Variants in DOCK1 observed in about 807,000 individuals in gnomAD.
The protein encoded by DOCK1 is dedicator of cytokinesis protein 1.
DOCK1 carries 138 observed loss-of-function variants against 262.7 expected under a neutral mutation model. That is an observed-to-expected ratio of 0.53 (90% CI 0.46 to 0.61). The LOEUF is 0.61. DOCK1 is among the 20% of genes least tolerant of loss of function. DOCK1 has a pLI of 0.00. For missense variants in DOCK1, 1,908 were observed against 2,370.7 expected (o/e 0.80, Z 4.05); for synonymous variants, 866 against 867.4 (o/e 1.00, Z 0.03).
At chr10:126,951,224 G>C (rs1025458219) in intron 1 of DOCK1, among the ~76,000 whole-genome samples, 21 of 150,850 alleles carry the variant, frequency 1.4e-4, no homozygotes, top group Admixed American at 3.3e-4. Context: ...GGTAATATTG[G>C]TGATGGTGGT....
chr10:127,427,007 C>T (rs1462455695), intron 47 of DOCK1, among the ~76,000 whole-genome samples: 1 of 152,174 alleles, frequency 6.6e-6, no homozygotes, highest in East Asian at 1.9e-4. Context: ...CAGAGTGGTG[C>T]TCCCATCTTT....
Position 127,373,880 on chromosome 10 carries a change from A to T in DOCK1, c.3518+14A>T. The T allele has an allele frequency of 6.3e-7, 1 of 1,594,962 alleles. No homozygotes were observed. Among genetic ancestry groups the T allele is most frequent in the Non-Finnish European group, 8.5e-7 (1 of 1,169,696 alleles). On this transcript the variant is annotated intron_variant, in intron 34 of 51. Transcript: ENST00000623213. ...ATTTGATAAAATGTAAGTGTTGATT[A>T]GCAGTGGGATTTATGTCTGAGAGAT...
intron 27 of DOCK1, among the ~76,000 whole-genome samples, chr10:127,215,276 C>G (rs1447109278): frequency 6.6e-6 from 1 of 152,158 alleles, no homozygotes; most frequent in Non-Finnish European, 1.5e-5. Flanking sequence ...TCTTCCTGCC[C>G]TGCCCTGTCT....
intron 29 of DOCK1, among the ~76,000 whole-genome samples, chr10:127,260,741 G>C (rs2060005299): frequency 7.0e-6 from 1 of 142,346 alleles, no homozygotes; most frequent in South Asian, 2.2e-4. Context: ...GTGTGGGTGT[G>C]CATGTGTGTA....
intron 1 of DOCK1, among the ~76,000 whole-genome samples, chr10:126,963,638 C>CCCTTT (rs2037433101): frequency 4.3e-5 from 4 of 92,942 alleles, no homozygotes; most frequent in Non-Finnish European, 8.0e-5. Flanking sequence ...CCCTTCCCTT[C>CCCTTT]CCTCCTTCCT....
intron 21 of DOCK1, among the ~76,000 whole-genome samples, chr10:127,052,418 G>A (rs547732124): frequency 3.3e-5 from 5 of 152,002 alleles, no homozygotes; most frequent in Non-Finnish European, 7.4e-5. Context: ...CAACTACTTG[G>A]GAGGCGGAGG....
At chr10:126,973,679 T>C (rs1251313804) in intron 2 of DOCK1, among the ~76,000 whole-genome samples, 1 of 152,198 alleles carries the variant, frequency 6.6e-6, no homozygotes, top group Non-Finnish European at 1.5e-5. Context: ...TTTGGAGAAG[T>C]ATTAATAGTT....
intron 1 of DOCK1, among the ~76,000 whole-genome samples, chr10:126,921,030 C>G (rs1414766839): frequency 6.6e-6 from 1 of 152,026 alleles, no homozygotes; most frequent in African/African-American, 2.4e-5. Flanking sequence ...AACCCCGTCT[C>G]TACTAAAAAT....
At chr10:127,367,478 G>T (rs1001655886) in intron 33 of DOCK1, among the ~76,000 whole-genome samples, 13 of 152,148 alleles carry the variant, frequency 8.5e-5, no homozygotes, top group African/African-American at 3.1e-4. Flanking sequence ...TGCAGTGAGT[G>T]CCTTAGGTCA....
At chr10:127,168,987 G>T (rs934417622) in intron 27 of DOCK1, among the ~76,000 whole-genome samples, 11 of 152,156 alleles carry the variant, frequency 7.2e-5, no homozygotes, top group African/African-American at 2.7e-4. Flanking sequence ...CTGATTCTGA[G>T]TGATTTGTCA....
Position 127,243,182 on chromosome 10 carries a change from G to A in DOCK1, c.2848-4826G>A, listed in dbSNP as rs184535800. The stretch of plus-strand genomic sequence containing the variant: ...AGTCCATTTTTATTACACCTTCACA[G>A]CTCCTCAAGAATATGAATTAAAACC... On this transcript the variant is annotated intron_variant, in intron 27 of 51. Coordinates refer to ENST00000623213, the MANE Select transcript of DOCK1 (RefSeq NM_001290223.2). 4.6e-5 allele frequency among the ~76,000 whole-genome samples: 7 copies of A among 152,130 alleles called. No individual in the cohort carries two copies. In the East Asian group the frequency reaches 1.4e-3, roughly 29 times the overall value.
intron 27 of DOCK1, among the ~76,000 whole-genome samples, chr10:127,139,632 G>A (rs1162440956): frequency 6.6e-6 from 1 of 152,138 alleles, no homozygotes; most frequent in Non-Finnish European, 1.5e-5. Context: ...AATGAAATCC[G>A]GGCCTCAGTT....
At chr10:126,971,941 A>T (rs2038139652) in intron 2 of DOCK1, among the ~76,000 whole-genome samples, 1 of 149,554 alleles carries the variant, frequency 6.7e-6, no homozygotes, top group Admixed American at 6.7e-5. Flanking sequence ...TTTGAGACGG[A>T]GTTTTGCTCT....
chr10:126,971,526 G>C (rs9299878), intron 2 of DOCK1, among the ~76,000 whole-genome samples: 82,434 of 151,846 alleles, frequency 0.54, 23,280 homozygotes, highest in African/African-American at 0.69. Context: ...AAGCAGTCTT[G>C]CCACCTCAGG....
chr10:127,393,873 C>T (rs961453587), intron 38 of DOCK1, among the ~76,000 whole-genome samples: 1 of 150,862 alleles, frequency 6.6e-6, no homozygotes, highest in Non-Finnish European at 1.5e-5. Context: ...CATTCTTTTA[C>T]GTTTCCTCCT....
intron 27 of DOCK1, among the ~76,000 whole-genome samples, chr10:127,156,569 T>A (rs1485322634): frequency 2.9e-5 from 4 of 139,520 alleles, no homozygotes; most frequent in South Asian, 2.4e-4. Context: ...CTTCTTTTTT[T>A]TTTTTTTTTT....
chr10:127,343,611 C>T, intron 30 of DOCK1, 35 bp from the exon 31 acceptor site: 1 of 1,528,150 alleles, frequency 6.5e-7, no homozygotes, highest in Non-Finnish European at 9.0e-7. Context: ...TCAAGCTGTT[C>T]AACAACTTAG....
intron 12 of DOCK1, chr10:127,016,717 CAT>C: frequency 7.7e-6 from 1 of 129,578 alleles, no homozygotes; most frequent in Non-Finnish European, 1.6e-5. Context: ...GACATACGCA[CAT>C]ACACACACAC....
intron 1 of DOCK1, among the ~76,000 whole-genome samples, chr10:126,910,427 C>T (rs111608007): frequency 1.3e-3 from 198 of 152,352 alleles, no homozygotes; most frequent in African/African-American, 4.3e-3. Flanking sequence ...CCAGGGCCAT[C>T]GCTGTAGCAA....
Sources: allele counts gnomAD v4.1 joint callset (sites outside exome capture counted in the v4.1 genomes callset), GRCh38; gene constraint gnomAD v4.1.1; transcripts MANE v1.5; gene names NCBI Gene and HGNC (gene_info 2026-07-23, HGNC 2026-07-21).